The following EMSY variants were observed in gnomAD, a reference collection of about 807,000 sequenced individuals.
The protein encoded by EMSY is EMSY transcriptional repressor, BRCA2 interacting, also known as BRCA2-interacting transcriptional repressor EMSY.
A neutral mutation model predicts 134.6 loss-of-function variants in EMSY; 26 were observed. The ratio of observed to expected loss-of-function variants is 0.19; its 90% CI spans 0.14 to 0.27. The LOEUF is 0.27. Among genes scored for constraint, EMSY ranks in the 10% least tolerant of loss-of-function variants. The pLI is 1.00. For missense variants in EMSY, 1,305 were observed against 1,611.4 expected, an observed-to-expected ratio of 0.81 and a Z score of 3.26; for synonymous variants, 579 against 577.8, an observed-to-expected ratio of 1.00 and a Z score of -0.03.
chr11:76,510,893 A>G (rs76237412), intron 9 of EMSY, among the ~76,000 whole-genome samples: 43 of 152,316 alleles, frequency 2.8e-4, no homozygotes, highest in Non-Finnish European at 5.9e-4. Flanking sequence ...GAAGGAGGAA[A>G]TGCTCTTGGT....
chr11:76,516,244 T>C, exon 11 of EMSY: 1 of 1,613,344 alleles, frequency 6.2e-7, no homozygotes. Flanking sequence ...AGTGGTAGCA[T>C]CATTACAGTA....
chr11:76,488,475 A>T (rs1004793511), intron 8 of EMSY, among the ~76,000 whole-genome samples: 1 of 152,074 alleles, frequency 6.6e-6, no homozygotes, highest in Non-Finnish European at 1.5e-5. Context: ...AAAAACAAAA[A>T]CAAAGTTTAA....
intron 9 of EMSY, among the ~76,000 whole-genome samples, chr11:76,497,837 C>T (rs2135835957): frequency 6.6e-6 from 1 of 151,816 alleles, no homozygotes; most frequent in Admixed American, 6.6e-5. Flanking sequence ...ATTTTATTAT[C>T]TTTATTATTT....
At chr11:76,467,006 G>A (rs1948379439) in intron 7 of EMSY, among the ~76,000 whole-genome samples, 1 of 152,126 alleles carries the variant, frequency 6.6e-6, no homozygotes, top group Non-Finnish European at 1.5e-5. Context: ...TATTTACACT[G>A]TTGATTAATG....
Position 76,496,538 on chromosome 11 carries a change from C to T in EMSY, c.1363+69C>T, listed in dbSNP as rs558475626. The T allele has an allele frequency of 4.6e-5, 70 of 1,525,752 alleles. No individual in the cohort carries two copies. The East Asian group carries it at 1.5e-3, about 33-fold the overall frequency. 94.5% of individuals were successfully genotyped at this position (1,525,752 alleles called of 1,614,324 possible). ...CACCAGTTTTTTTAGTCTTCCAGTC[C>T]ATGAACACGGTATGTCTCTTCATTT... On this transcript the variant is annotated intron_variant, in intron 9 of 20. Transcript: ENST00000334736.
chr11:76,533,617 C>T lies in EMSY; in HGVS notation c.2195-2278C>T, dbSNP rs376392340. Among the ~76,000 whole-genome samples, 9 of 152,154 alleles carry T rather than the reference C, an allele frequency of 5.9e-5. No individual in the cohort carries two copies. The East Asian group carries it at 1.4e-3, about 23-fold the overall frequency. On this transcript the variant is annotated intron_variant, in intron 14 of 20. Coordinates refer to ENST00000334736, the Ensembl canonical transcript of EMSY. ...GATTCTATGAAAGTATGATCTAGGC[C>T]ATTTATAATAGAGACATAGGAGATA...
intron 10 of EMSY, among the ~76,000 whole-genome samples, chr11:76,513,831 C>A (rs1043025125): frequency 1.3e-5 from 2 of 152,040 alleles, no homozygotes; most frequent in Non-Finnish European, 2.9e-5. Flanking sequence ...GCTCTGTGAG[C>A]GTAAGGGACC....
intron 2 of EMSY, among the ~76,000 whole-genome samples, chr11:76,450,850 G>C (rs1947635588): frequency 1.3e-5 from 2 of 150,572 alleles, no homozygotes; most frequent in Admixed American, 1.3e-4. Flanking sequence ...CTGGAGTGCG[G>C]TGGCATGATC....
exon 14 of EMSY, chr11:76,528,292 A>G: frequency 1.2e-6 from 2 of 1,613,674 alleles, no homozygotes; most frequent in Non-Finnish European, 1.7e-6. Context: ...CAAACCAGTG[A>G]CTTTTCAAGC....
rs572372704 is a variant in EMSY at position 76,460,237 on chromosome 11, A to G, written c.571+152A>G. The G allele has an allele frequency of 5.7e-4, 494 of 863,376 alleles. 6 individuals carry two copies. In the South Asian group the frequency reaches 8.1e-3, roughly 14 times the overall value. The allele number at this position is 863,376 out of a possible 1,614,324, so 53.5% of individuals were successfully genotyped here. ...TTTTAAAGAATTCCTTTCTTTACAT[A>G]TGACTAGGTATATATTGCTTTTTTA... On this transcript the variant is annotated intron_variant, in intron 6 of 20. Coordinates refer to ENST00000334736, the Ensembl canonical transcript of EMSY.
At chr11:76,506,975 G>A (rs750459438) in intron 9 of EMSY, among the ~76,000 whole-genome samples, 14 of 152,126 alleles carry the variant, frequency 9.2e-5, no homozygotes, top group African/African-American at 1.7e-4. Flanking sequence ...CGATTCTGGC[G>A]TACTTTATAG....
chr11:76,544,312 G>A, exon 19 of EMSY: 1 of 1,614,170 alleles, frequency 6.2e-7, no homozygotes, highest in South Asian at 1.1e-5. Flanking sequence ...TTGGAACTGA[G>A]GAGGGCGAGG....
chr11:76,494,275 C>T (rs558996657), intron 8 of EMSY, among the ~76,000 whole-genome samples: 3 of 152,310 alleles, frequency 2.0e-5, no homozygotes, highest in East Asian at 3.9e-4. Context: ...AAGGTGCCGC[C>T]GGCCACAGAC....
intron 9 of EMSY, chr11:76,496,822 T>C: frequency 3.0e-6 from 1 of 330,664 alleles, no homozygotes; most frequent in Non-Finnish European, 5.8e-6. Context: ...TATGCAACTA[T>C]GTCATCTATA....
intron 8 of EMSY, among the ~76,000 whole-genome samples, chr11:76,488,533 TTG>T (rs1335057780): frequency 1.1e-4 from 16 of 150,346 alleles, no homozygotes; most frequent in African/African-American, 3.6e-4. Flanking sequence ...TATTTTTTTT[TTG>T]TTTTTTTTTT....
chr11:76,467,424 ACT>A (rs1355018348), intron 7 of EMSY, among the ~76,000 whole-genome samples: 1 of 151,886 alleles, frequency 6.6e-6, no homozygotes, highest in Non-Finnish European at 1.5e-5. Context: ...CTATTCCTGT[ACT>A]CTGTTTTATT....
At chr11:76,488,072 T>C (rs1949263276) in intron 8 of EMSY, among the ~76,000 whole-genome samples, 1 of 152,260 alleles carries the variant, frequency 6.6e-6, no homozygotes, top group Non-Finnish European at 1.5e-5. Context: ...TTATTCAAAA[T>C]TACCAATGTA....
intron 14 of EMSY, among the ~76,000 whole-genome samples, chr11:76,529,453 AT>A (rs1950957118): frequency 6.6e-6 from 1 of 152,178 alleles, no homozygotes; most frequent in South Asian, 2.1e-4. Context: ...TAGTCCATTA[AT>A]TCAATTTGAC....
At chr11:76,500,933 C>T (rs1177667287) in intron 9 of EMSY, among the ~76,000 whole-genome samples, 1 of 152,180 alleles carries the variant, frequency 6.6e-6, no homozygotes, top group African/African-American at 2.4e-5. Flanking sequence ...CCTCAGTATC[C>T]GTGGAAGATT....
Sources: allele counts gnomAD v4.1 joint callset (sites outside exome capture counted in the v4.1 genomes callset), GRCh38; gene constraint gnomAD v4.1.1; transcripts MANE v1.5; gene names NCBI Gene and HGNC (gene_info 2026-07-23, HGNC 2026-07-21).